The following R3HDM1 variants were observed in gnomAD, a reference collection of about 807,000 sequenced individuals.
R3HDM1 encodes R3H domain containing 1, also known as R3H domain-containing protein 1.
Under a neutral mutation model 141.1 loss-of-function variants are expected in R3HDM1, and 46 were observed. The ratio of observed to expected loss-of-function variants is 0.33; its 90% CI spans 0.26 to 0.42. The LOEUF (loss-of-function observed/expected upper bound fraction) is 0.42, where lower values mean the gene tolerates loss of function less well. Ranked by LOEUF, R3HDM1 falls within the 10% of genes least tolerant of loss-of-function variation. The pLI, the probability that R3HDM1 is intolerant of heterozygous loss-of-function variation, is 1.00. For synonymous variants in R3HDM1, 435 were observed against 472.9 expected, an observed-to-expected ratio of 0.92 and a Z score of 1.04; for missense variants, 1,184 against 1,368.3, an observed-to-expected ratio of 0.87 and a Z score of 2.12.
intron 1 of R3HDM1, chr2:135,543,177 A>T: frequency 1.4e-6 from 1 of 720,722 alleles, no homozygotes; most frequent in African/African-American, 1.9e-5. Context: ...GTTCAGATTT[A>T]TTTTTATACG....
chr2:135,649,154 C>T (rs1360540222), intron 16 of R3HDM1: 1 of 151,784 alleles, frequency 6.6e-6, no homozygotes, highest in Non-Finnish European at 1.5e-5. Context: ...CAAGCTCCGC[C>T]TCTTGGATTC....
rs2059710142 is a variant in R3HDM1, at chr2:135,602,591, A to T, written c.-158A>T. Reference sequence around the variant, plus strand: ...ACAAGGACATGGGACTCCTCCTGCCAGATTACAGATGGTTCACTACAGTTG... The same window carrying T: ...ACAAGGACATGGGACTCCTCCTGCCTGATTACAGATGGTTCACTACAGTTG... On this transcript the variant is annotated 5_prime_UTR_variant, in exon 2 of 27. Coordinates refer to ENST00000683871, the MANE Select transcript of R3HDM1 (RefSeq NM_001378107.1). 2.6e-6 allele frequency: 4 copies of T among 1,540,796 alleles called. No individual in the cohort carries two copies. Among genetic ancestry groups the T allele is most frequent in the Non-Finnish European group, 3.5e-6 (4 of 1,143,992 alleles).
intron 1 of R3HDM1, among the ~76,000 whole-genome samples, chr2:135,585,643 C>T (rs1054178070): frequency 6.6e-6 from 1 of 152,136 alleles, no homozygotes; most frequent in African/African-American, 2.4e-5. Context: ...ATTTGTTTGC[C>T]TTATAATTAT....
At chr2:135,683,529 G>A (rs1438870859) in intron 21 of R3HDM1, among the ~76,000 whole-genome samples, 1 of 148,458 alleles carries the variant, frequency 6.7e-6, no homozygotes, top group Non-Finnish European at 1.5e-5. Flanking sequence ...ACTCCAGCCT[G>A]GGCAGCAGAG....
chr2:135,577,414 CAAAAAAA>C (rs35038268), intron 1 of R3HDM1, among the ~76,000 whole-genome samples: 90 of 15,798 alleles, frequency 5.7e-3, no homozygotes, highest in East Asian at 0.041. Context: ...ATTAAATGAC[CAAAAAAA>C]AAAAAAAAAA....
intron 3 of R3HDM1, among the ~76,000 whole-genome samples, chr2:135,615,513 T>C (rs2060942062): frequency 6.6e-6 from 1 of 152,198 alleles, no homozygotes; most frequent in African/African-American, 2.4e-5. Flanking sequence ...TACCGCATTC[T>C]CCAATCATGT....
chr2:135,712,793 C>A (rs1255696694), intron 23 of R3HDM1, among the ~76,000 whole-genome samples: 1 of 151,652 alleles, frequency 6.6e-6, no homozygotes, highest in African/African-American at 2.4e-5. Context: ...TGGTGGTGGG[C>A]GCCTGTAGTC....
intron 1 of R3HDM1, among the ~76,000 whole-genome samples, chr2:135,547,397 C>T (rs1698918805): frequency 6.6e-6 from 1 of 151,962 alleles, no homozygotes; most frequent in Admixed American, 6.6e-5. Flanking sequence ...TTTAATGCTT[C>T]CATCAGTTTA....
chr2:135,588,802 A>C (rs1299949514), intron 1 of R3HDM1, among the ~76,000 whole-genome samples: 1 of 152,160 alleles, frequency 6.6e-6, no homozygotes, highest in Admixed American at 6.5e-5. Context: ...CCCACTTCAT[A>C]GTTATATTTC....
At chr2:135,550,962 A>G (rs1699729436) in intron 1 of R3HDM1, among the ~76,000 whole-genome samples, 1 of 152,236 alleles carries the variant, frequency 6.6e-6, no homozygotes, top group South Asian at 2.1e-4. Flanking sequence ...CTTACAGCAA[A>G]TTACATATGC....
intron 3 of R3HDM1, chr2:135,605,489 A>G (rs1559222999): frequency 6.5e-6 from 1 of 153,604 alleles, no homozygotes; most frequent in Non-Finnish European, 1.4e-5. Flanking sequence ...CTGTGCATAT[A>G]TAATGACTTA....
chr2:135,566,186 T>C (rs890410803), intron 1 of R3HDM1, among the ~76,000 whole-genome samples: 2 of 152,200 alleles, frequency 1.3e-5, no homozygotes, highest in Admixed American at 1.3e-4. Context: ...TCTTATTTTA[T>C]CTGATTGTCT....
At chr2:135,715,843 T>C (rs888043108) in intron 24 of R3HDM1, 149 bp downstream of exon 24, 1 of 901,164 alleles carries the variant, frequency 1.1e-6, no homozygotes, top group Non-Finnish European at 1.6e-6. Context: ...TGTGACCATA[T>C]ACCCTCCTAA....
chr2:135,721,224 C>G (rs527303684), intron 24 of R3HDM1, among the ~76,000 whole-genome samples: 1 of 152,278 alleles, frequency 6.6e-6, no homozygotes, highest in South Asian at 2.1e-4. Flanking sequence ...TGGCTTGTAC[C>G]TGTAATCCCA....
chr2:135,572,301 T>C (rs929504796), intron 1 of R3HDM1, among the ~76,000 whole-genome samples: 46 of 152,280 alleles, frequency 3.0e-4, no homozygotes, highest in African/African-American at 9.9e-4. Context: ...GTATACAGAA[T>C]ACATAAGGAG....
chr2:135,642,818 C>A (rs1051588753), intron 15 of R3HDM1, among the ~76,000 whole-genome samples: 1 of 151,952 alleles, frequency 6.6e-6, no homozygotes, highest in Non-Finnish European at 1.5e-5. Context: ...CTTTTTAAGA[C>A]GAAGTATGCA....
At chr2:135,652,960 TC>T (rs933179745) in intron 18 of R3HDM1, among the ~76,000 whole-genome samples, 2 of 152,064 alleles carry the variant, frequency 1.3e-5, no homozygotes, top group Non-Finnish European at 1.5e-5. Flanking sequence ...CTTAGTGGTA[TC>T]CCCTTTTTAT....
chr2:135,715,443 A>G (rs2076073676), intron 23 of R3HDM1, 107 bp from the exon 24 acceptor site: 1 of 1,274,750 alleles, frequency 7.8e-7, no homozygotes, highest in Admixed American at 2.4e-5. Flanking sequence ...ACATGCTTCT[A>G]TAATGTTTGA....
At chr2:135,685,261 G>A (rs2071134658) in intron 21 of R3HDM1, among the ~76,000 whole-genome samples, 1 of 151,910 alleles carries the variant, frequency 6.6e-6, no homozygotes, top group Non-Finnish European at 1.5e-5. Flanking sequence ...ACACATGCTA[G>A]TTAACCCGTG....
Sources: allele counts gnomAD v4.1 joint callset (sites outside exome capture counted in the v4.1 genomes callset), GRCh38; gene constraint gnomAD v4.1.1; transcripts MANE v1.5; gene names NCBI Gene and HGNC (gene_info 2026-07-23, HGNC 2026-07-21).